ANKS1B: variants seen among roughly 807,000 people sequenced by gnomAD.
The protein encoded by ANKS1B is ankyrin repeat and sterile alpha motif domain-containing protein 1B.
ANKS1B carries 36 observed loss-of-function variants against 148.3 expected under a neutral mutation model. The observed-to-expected ratio is 0.24, with a 90% confidence interval of 0.19 to 0.32. ANKS1B has a LOEUF of 0.32. ANKS1B is among the 10% of genes least tolerant of loss of function. The probability of loss-of-function intolerance (pLI) is 1.00; values close to 1 mark genes in which losing one functional copy is unlikely to be tolerated. For synonymous variants in ANKS1B, 542 were observed against 560.8 expected, an observed-to-expected ratio of 0.97 and a Z score of 0.47; for missense variants, 1,157 against 1,542.6, an observed-to-expected ratio of 0.75 and a Z score of 4.19.
chr12:99,009,335 T>C lies in ANKS1B; in HGVS notation c.2778+43822A>G, dbSNP rs548039855. On this transcript the variant is annotated intron_variant, in intron 17 of 26. Transcript: ENST00000683438. ...CTCAGAAGAATCAATTTCTGATACC[T>C]GAATCTTTGTAAGCACGAACAGAGA... Among the ~76,000 whole-genome samples the C allele has an allele frequency of 7.3e-4, 111 of 152,306 alleles. 2 individuals carry two copies. The South Asian group carries it at 0.022, about 30-fold the overall frequency.
chr12:99,648,088 A>C, intron 9 of ANKS1B: 3 of 1,521,306 alleles, frequency 2.0e-6, no homozygotes, highest in South Asian at 2.6e-5. Flanking sequence ...CACCTGCCAG[A>C]GTAGCCAAGG....
chr12:99,403,000 A>G lies in ANKS1B; in HGVS notation c.1576-3189T>C, dbSNP rs925434962. ...GCATGTGTTATTTTTTGACTTTTTA[A>G]TAATAGCCATTCTGAATTGATTTGA... is the stretch of plus-strand genomic sequence containing the variant. On this transcript the variant is annotated intron_variant, in intron 11 of 26. Transcript: ENST00000683438. 2.8e-5 allele frequency among the ~76,000 whole-genome samples: 4 copies of G among 144,912 alleles called. 1 individual carries two copies. The highest frequency in any genetic ancestry group is 7.9e-5 in the African/African-American group (3 of 38,034).
intron 14 of ANKS1B, among the ~76,000 whole-genome samples, chr12:99,158,794 C>G (rs1056903037): frequency 6.6e-6 from 1 of 152,160 alleles, no homozygotes; most frequent in Admixed American, 6.6e-5. Flanking sequence ...CATAGATGCT[C>G]CACTTTGGAT....
At chr12:99,910,669 T>C (rs1391139060) in intron 1 of ANKS1B, among the ~76,000 whole-genome samples, 2 of 152,034 alleles carry the variant, frequency 1.3e-5, no homozygotes, top group Non-Finnish European at 2.9e-5. Context: ...TTAAAAACCA[T>C]CCAATTAAAA....
intron 9 of ANKS1B, among the ~76,000 whole-genome samples, chr12:99,548,783 A>C (rs938386799): frequency 1.3e-5 from 2 of 152,160 alleles, no homozygotes; most frequent in Admixed American, 1.3e-4. Context: ...AACCATTAAA[A>C]AATTATTAGC....
At chr12:99,654,958 C>A (rs2098443143) in intron 9 of ANKS1B, 109 bp downstream of exon 9, 3 of 1,269,570 alleles carry the variant, frequency 2.4e-6, no homozygotes, top group Non-Finnish European at 3.2e-6. Context: ...TCCAAAATCA[C>A]AAAGTGAACA....
At chr12:99,519,562 C>A (rs772129601) in intron 9 of ANKS1B, among the ~76,000 whole-genome samples, 12 of 151,900 alleles carry the variant, frequency 7.9e-5, no homozygotes, top group Admixed American at 3.3e-4. Context: ...TTTTTGGTTT[C>A]CAGTGGCTTG....
intron 17 of ANKS1B, among the ~76,000 whole-genome samples, chr12:98,985,948 T>C (rs2099923081): frequency 6.6e-6 from 1 of 152,184 alleles, no homozygotes; most frequent in African/African-American, 2.4e-5. Flanking sequence ...CTGCTTTTGT[T>C]TGTCTGAAAA....
At chr12:99,378,533 T>C (rs1393287656) in intron 12 of ANKS1B, among the ~76,000 whole-genome samples, 1 of 151,388 alleles carries the variant, frequency 6.6e-6, no homozygotes, top group Non-Finnish European at 1.5e-5. Flanking sequence ...CATGCACCTG[T>C]AGTCTCAGCT....
chr12:98,808,451 C>A (rs1379731349), intron 19 of ANKS1B, among the ~76,000 whole-genome samples: 1 of 152,132 alleles, frequency 6.6e-6, no homozygotes, highest in Non-Finnish European at 1.5e-5. Context: ...CGGTAGTTAA[C>A]AAAGGAAGAC....
At chr12:99,890,200 G>A (rs2093024124) in intron 1 of ANKS1B, among the ~76,000 whole-genome samples, 1 of 152,064 alleles carries the variant, frequency 6.6e-6, no homozygotes, top group African/African-American at 2.4e-5. Context: ...CCAGTTGTTT[G>A]GTCAAACATA....
At chr12:99,134,630 C>CTG (rs2067274315) in intron 15 of ANKS1B, among the ~76,000 whole-genome samples, 1 of 78,502 alleles carries the variant, frequency 1.3e-5, no homozygotes, top group African/African-American at 5.4e-5. Flanking sequence ...CCCTTTCTGT[C>CTG]TCTCTCTCTC....
intron 12 of ANKS1B, among the ~76,000 whole-genome samples, chr12:99,369,702 C>T (rs1186575031): frequency 1.3e-5 from 2 of 150,488 alleles, no homozygotes; most frequent in African/African-American, 2.5e-5. Context: ...TTTCAGCAAG[C>T]AAGATAGAAA....
At chr12:99,672,249 C>A (rs2098541627) in intron 8 of ANKS1B, among the ~76,000 whole-genome samples, 1 of 152,078 alleles carries the variant, frequency 6.6e-6, no homozygotes. Context: ...AAGACATCAG[C>A]AACTTCTGAC....
intron 11 of ANKS1B, among the ~76,000 whole-genome samples, chr12:99,439,224 T>C (rs1377470684): frequency 6.6e-6 from 1 of 151,576 alleles, no homozygotes; most frequent in African/African-American, 2.4e-5. Context: ...AGAAAACTTC[T>C]AGAAAAAAGT....
intron 16 of ANKS1B, among the ~76,000 whole-genome samples, chr12:99,062,991 G>A (rs1022977174): frequency 6.6e-6 from 1 of 152,172 alleles, no homozygotes; most frequent in Non-Finnish European, 1.5e-5. Flanking sequence ...GCTTGTACGT[G>A]AAGTACCTGT....
chr12:98,964,706 A>C (rs2099876339), intron 17 of ANKS1B, among the ~76,000 whole-genome samples: 1 of 152,198 alleles, frequency 6.6e-6, no homozygotes, highest in South Asian at 2.1e-4. Context: ...ACCAGGCACA[A>C]AAAGACAAAC....
intron 1 of ANKS1B, among the ~76,000 whole-genome samples, chr12:99,982,478 G>A (rs981758021): frequency 3.3e-5 from 5 of 152,072 alleles, no homozygotes; most frequent in Non-Finnish European, 7.4e-5. Flanking sequence ...AATTCCTCAT[G>A]TTTTCCCGAA....
intron 9 of ANKS1B, among the ~76,000 whole-genome samples, chr12:99,625,894 G>C (rs373517651): frequency 3.9e-5 from 6 of 152,052 alleles, no homozygotes; most frequent in Admixed American, 3.3e-4. Context: ...TGGTGGCTGA[G>C]GTATAATAGG....
Sources: allele counts gnomAD v4.1 joint callset (sites outside exome capture counted in the v4.1 genomes callset), GRCh38; gene constraint gnomAD v4.1.1; transcripts MANE v1.5; gene names NCBI Gene and HGNC (gene_info 2026-07-23, HGNC 2026-07-21).